Variants in HCRTR2 observed in about 807,000 individuals in gnomAD.
The protein encoded by HCRTR2 is orexin receptor type 2.
Under a neutral mutation model 49.0 loss-of-function variants are expected in HCRTR2, and 22 were observed. The observed-to-expected ratio is 0.45, with a 90% CI of 0.32 to 0.64. The LOEUF is 0.64. Among genes scored for constraint, HCRTR2 ranks in the 30% least tolerant of loss-of-function variants. The probability of loss-of-function intolerance (pLI) is 0.04; values close to 1 mark genes in which losing one functional copy is unlikely to be tolerated. For missense variants in HCRTR2, 491 were observed against 559.4 expected (o/e 0.88, Z 1.23); for synonymous variants, 236 against 205.3 (o/e 1.15, Z -1.28).
At chr6:55,165,744 A>AT (rs1764867205) in intron 1 of HCRTR2, among the ~76,000 whole-genome samples, 1,656 of 128,318 alleles carry the variant, frequency 0.013, 62 homozygotes, top group Non-Finnish European at 0.017. Flanking sequence ...TAGTATACAG[A>AT]ATATATATAT....
intron 1 of HCRTR2, among the ~76,000 whole-genome samples, chr6:55,150,975 C>T (rs1764657665): frequency 6.6e-6 from 1 of 152,026 alleles, no homozygotes; most frequent in South Asian, 2.1e-4. Context: ...TTATACCATA[C>T]TGTAGTCTAC....
At chr6:55,261,512 C>T (rs779624941) in intron 3 of HCRTR2, among the ~76,000 whole-genome samples, 1 of 152,074 alleles carries the variant, frequency 6.6e-6, no homozygotes, top group Non-Finnish European at 1.5e-5. Context: ...TCAAACGATA[C>T]TCCTGCCTTG....
chr6:55,254,833 CA>C (rs1294903798), intron 2 of HCRTR2, among the ~76,000 whole-genome samples: 1 of 150,156 alleles, frequency 6.7e-6, no homozygotes, highest in African/African-American at 2.4e-5. Context: ...AAAATAATTA[CA>C]GTAATTATTT....
At chr6:55,191,244 A>G (rs1765310429) in intron 1 of HCRTR2, among the ~76,000 whole-genome samples, 1 of 152,216 alleles carries the variant, frequency 6.6e-6, no homozygotes, top group African/African-American at 2.4e-5. Flanking sequence ...TAAGCCAACA[A>G]TATACTTTTA....
intron 1 of HCRTR2, among the ~76,000 whole-genome samples, chr6:55,132,063 C>T (rs1764365738): frequency 6.6e-6 from 1 of 151,692 alleles, no homozygotes; most frequent in South Asian, 2.1e-4. Context: ...GTGGCCAATT[C>T]TAAACATATA....
chr6:55,200,235 T>TTGTGTGTGTGTG (rs34710192), intron 1 of HCRTR2, among the ~76,000 whole-genome samples: 80 of 135,380 alleles, frequency 5.9e-4, no homozygotes, highest in East Asian at 2.0e-3. Flanking sequence ...GTTTGCTGTC[T>TTGTGTGTGTGTG]TGTGTGTGTG....
chr6:55,148,068 A>T (rs1031377111), intron 1 of HCRTR2, among the ~76,000 whole-genome samples: 2 of 152,178 alleles, frequency 1.3e-5, no homozygotes, highest in African/African-American at 4.8e-5. Context: ...TTCAATAGAA[A>T]CTAATGTCAT....
intron 1 of HCRTR2, among the ~76,000 whole-genome samples, chr6:55,186,607 A>C (rs961901810): frequency 6.6e-6 from 1 of 152,230 alleles, no homozygotes; most frequent in South Asian, 2.1e-4. Context: ...ATGATACGCT[A>C]TATTTCTGCA....
At chr6:55,174,840 G>C in intron 1 of HCRTR2, 30 bp downstream of exon 1, 1 of 1,576,186 alleles carries the variant, frequency 6.3e-7, no homozygotes, top group Non-Finnish European at 8.7e-7. Flanking sequence ...GCCCTCCTAG[G>C]GGCTATCACC....
chr6:55,274,025 G>A, intron 4 of HCRTR2, among the ~76,000 whole-genome samples: 1 of 151,370 alleles, frequency 6.6e-6, no homozygotes, highest in Non-Finnish European at 1.5e-5. Context: ...GCTATTCCAG[G>A]TCTTTTGCAC....
chr6:55,284,683 T>A (rs1463968129), downstream of HCRTR2, among the ~76,000 whole-genome samples: 2 of 151,970 alleles, frequency 1.3e-5, no homozygotes, highest in East Asian at 3.9e-4. Flanking sequence ...AAAAAAACAG[T>A]TTACAAAACA....
In HCRTR2 at chr6:55,255,357, G is replaced by A. The variant is rs201870257; in HGVS notation, c.624G>A (p.Thr208=). The A allele has an allele frequency of 1.1e-5, 17 of 1,613,964 alleles. No homozygotes were observed. In the South Asian group the frequency reaches 1.3e-4, roughly 13 times the overall value. ...TAGCCAATAAAACCACCCTCTTTAC[G>A]GTGTGTGATGAGCGCTGGGGTGGTA... is the stretch of plus-strand genomic sequence containing the variant. ...PGLANKTTLF[T]VCDERWGGEI... The change falls in exon 3 of 7, where the codon ACG becomes ACA. Residue 208 remains threonine, a synonymous_variant. Coordinates refer to ENST00000370862, the MANE Select transcript of HCRTR2 (RefSeq NM_001384272.1).
intron 1 of HCRTR2, among the ~76,000 whole-genome samples, chr6:55,117,462 G>A (rs1300094422): frequency 6.6e-6 from 1 of 151,222 alleles, no homozygotes; most frequent in African/African-American, 2.4e-5. Flanking sequence ...ATATTCATGG[G>A]GTACATGTGA....
chr6:55,169,301 G>A (rs759414530), intron 1 of HCRTR2, among the ~76,000 whole-genome samples: 11 of 151,844 alleles, frequency 7.2e-5, no homozygotes, highest in South Asian at 4.2e-4. Context: ...AAGATGGAAC[G>A]GAGAGAACCT....
intron 1 of HCRTR2, among the ~76,000 whole-genome samples, chr6:55,141,376 A>G (rs527483456): frequency 6.8e-4 from 104 of 151,932 alleles, no homozygotes; most frequent in African/African-American, 2.2e-3. Flanking sequence ...AAAAAGAAAA[A>G]TGTGTTAGAA....
In HCRTR2 at chr6:55,192,220, C is replaced by G. The variant is rs75678475; in HGVS notation, c.223+17410C>G. 9.2e-5 allele frequency among the ~76,000 whole-genome samples: 14 copies of G among 152,026 alleles called. No individual in the cohort carries two copies. In the East Asian group the frequency reaches 2.7e-3, roughly 29 times the overall value. ...CAAATTTTAATCTTTTGTTTTCATTCCAACAAAAAAAATTAGGATCTGCCT... is the reference window on the plus strand; with the variant it reads ...CAAATTTTAATCTTTTGTTTTCATTGCAACAAAAAAAATTAGGATCTGCCT... On this transcript the variant is annotated intron_variant, in intron 1 of 6. Transcript: ENST00000370862.
At chr6:55,145,247 A>G (rs1272466838) in intron 1 of HCRTR2, among the ~76,000 whole-genome samples, 1 of 152,148 alleles carries the variant, frequency 6.6e-6, no homozygotes, top group Admixed American at 6.5e-5. Flanking sequence ...TTTTCACCTT[A>G]AAACAAGGTA....
At chr6:55,206,023 T>G (rs1285333837) in intron 1 of HCRTR2, among the ~76,000 whole-genome samples, 1 of 152,104 alleles carries the variant, frequency 6.6e-6, no homozygotes, top group Non-Finnish European at 1.5e-5. Context: ...TTTTTAAAAT[T>G]TGTTAAATAA....
intron 1 of HCRTR2, among the ~76,000 whole-genome samples, chr6:55,238,452 A>C (rs1294934365): frequency 6.6e-6 from 1 of 152,206 alleles, no homozygotes; most frequent in African/African-American, 2.4e-5. Flanking sequence ...AAATAGTAGT[A>C]AGATATTGCC....
Sources: gnomAD v4.1 joint callset for allele counts (sites outside exome capture counted in the v4.1 genomes callset) on GRCh38, gnomAD v4.1.1 for gene constraint, MANE v1.5 for transcripts, NCBI Gene and HGNC (gene_info 2026-07-23, HGNC 2026-07-21) for gene names.